The following GPC5 variants were observed in gnomAD, a reference collection of about 807,000 sequenced individuals.
GPC5 encodes the protein glypican-5.
Under a neutral mutation model 53.9 loss-of-function variants are expected in GPC5, and 47 were observed. The ratio of observed to expected loss-of-function variants is 0.87; its 90% CI spans 0.69 to 1.11. The LOEUF (loss-of-function observed/expected upper bound fraction) is 1.11. Ranked by LOEUF, GPC5 falls within the 50% of genes most tolerant of loss-of-function variation. The pLI is 0.00. For synonymous variants in GPC5, 286 were observed against 263.3 expected (o/e 1.09, Z -0.84); for missense variants, 748 against 713.1 (o/e 1.05, Z -0.56).
At chr13:91,518,334 G>A (rs765362327) in intron 2 of GPC5, among the ~76,000 whole-genome samples, 13 of 152,110 alleles carry the variant, frequency 8.5e-5, no homozygotes, top group South Asian at 2.1e-4. Context: ...GCGTTCCAGC[G>A]TGGGCAACAG....
At chr13:92,045,704 T>C (rs1384787920) in intron 6 of GPC5, among the ~76,000 whole-genome samples, 1 of 152,056 alleles carries the variant, frequency 6.6e-6, no homozygotes, top group Non-Finnish European at 1.5e-5. Flanking sequence ...AGAAGATGTA[T>C]TGTTGGAAAG....
At chr13:92,658,533 G>A (rs1321625706) in intron 7 of GPC5, among the ~76,000 whole-genome samples, 1 of 152,122 alleles carries the variant, frequency 6.6e-6, no homozygotes, top group African/African-American at 2.4e-5. Context: ...ATGAGTTCAG[G>A]TTGTGTCAAG....
intron 6 of GPC5, among the ~76,000 whole-genome samples, chr13:92,116,533 A>G (rs568571500): frequency 7.9e-5 from 12 of 152,374 alleles, no homozygotes; most frequent in African/African-American, 2.9e-4. Flanking sequence ...GCATTTGTGT[A>G]CAAGTTGTCA....
intron 7 of GPC5, among the ~76,000 whole-genome samples, chr13:92,315,778 T>C (rs2043175394): frequency 6.6e-6 from 1 of 152,202 alleles, no homozygotes; most frequent in African/African-American, 2.4e-5. Context: ...AAACTATTTT[T>C]CAAGTGTTTT....
chr13:92,493,388 G>A (rs1879840159), intron 7 of GPC5, among the ~76,000 whole-genome samples: 1 of 152,148 alleles, frequency 6.6e-6, no homozygotes, highest in South Asian at 2.1e-4. Flanking sequence ...GAAGTTGTCA[G>A]TATTAAGAGG....
intron 3 of GPC5, among the ~76,000 whole-genome samples, chr13:91,719,118 G>A (rs964737838): frequency 1.3e-5 from 2 of 152,082 alleles, no homozygotes; most frequent in African/African-American, 4.8e-5. Context: ...AGCTGCATGT[G>A]AATCAAGTAT....
chr13:91,602,151 C>T (rs527859354), intron 2 of GPC5, among the ~76,000 whole-genome samples: 2 of 152,330 alleles, frequency 1.3e-5, no homozygotes, highest in East Asian at 3.9e-4. Flanking sequence ...TTTCTTTATT[C>T]ATTCTTGAAA....
At chr13:91,658,796 G>A (rs187870301) in intron 2 of GPC5, among the ~76,000 whole-genome samples, 2 of 152,200 alleles carry the variant, frequency 1.3e-5, no homozygotes, top group East Asian at 3.9e-4. Flanking sequence ...TTCTCTTAGT[G>A]TCATTAATGT....
At chr13:92,238,996 AT>A (rs1555321980) in intron 7 of GPC5, among the ~76,000 whole-genome samples, 17 of 129,894 alleles carry the variant, frequency 1.3e-4, no homozygotes, top group Admixed American at 1.3e-3. Flanking sequence ...TGCTGACAAG[AT>A]TATTTTTTTT....
chr13:92,058,037 T>C (rs975835352), intron 6 of GPC5, among the ~76,000 whole-genome samples: 1 of 152,150 alleles, frequency 6.6e-6, no homozygotes, highest in African/African-American at 2.4e-5. Context: ...TGGGATCTCA[T>C]TGACTCCATC....
intron 6 of GPC5, among the ~76,000 whole-genome samples, chr13:92,064,756 C>CAAAAAAAAAAAAAAAAACAAAAA (rs1175120330): frequency 3.0e-5 from 1 of 33,644 alleles, no homozygotes; most frequent in Non-Finnish European, 5.6e-5. Flanking sequence ...GACTCCGTCT[C>CAAAAAAAAAAAAAAAAACAAAAA]AAAAAAAAAA....
At chr13:92,783,222 ACT>A (rs1876095842) in intron 7 of GPC5, among the ~76,000 whole-genome samples, 1 of 152,118 alleles carries the variant, frequency 6.6e-6, no homozygotes, top group African/African-American at 2.4e-5. Context: ...ATTTTCATTC[ACT>A]CTCTCACCTC....
chr13:91,458,287 C>T (rs575591450), intron 2 of GPC5, among the ~76,000 whole-genome samples: 116 of 152,108 alleles, frequency 7.6e-4, no homozygotes, highest in African/African-American at 2.6e-3. Context: ...GAGGCCAGGT[C>T]GTCTGGGGCC....
chr13:92,618,874 T>C (rs2139111286), intron 7 of GPC5, among the ~76,000 whole-genome samples: 1 of 152,084 alleles, frequency 6.6e-6, no homozygotes, highest in African/African-American at 2.4e-5. Context: ...TCACTATCTA[T>C]TATGGTATTA....
chr13:92,110,049 C>G (rs2041544652), intron 6 of GPC5, among the ~76,000 whole-genome samples: 1 of 152,024 alleles, frequency 6.6e-6, no homozygotes, highest in South Asian at 2.1e-4. Flanking sequence ...ATTTAGGTGG[C>G]AGTATCCATA....
Position 92,139,495 on chromosome 13 carries a change from G to A in GPC5, c.1402-5335G>A, listed in dbSNP as rs376201062. ...ATCCTGGCTAACATGGTGAAACCCC[G>A]TGTCTACTAAAAATACAAAAAATTA... On this transcript the variant is annotated intron_variant, in intron 6 of 7. Transcript: ENST00000377067. Among the ~76,000 whole-genome samples, 75 of 151,922 alleles carry A rather than the reference G, an allele frequency of 4.9e-4. 1 individual carries two copies. The South Asian group carries it at 0.015, about 30-fold the overall frequency.
At chr13:92,000,634 T>C (rs2040545608) in intron 6 of GPC5, among the ~76,000 whole-genome samples, 1 of 152,260 alleles carries the variant, frequency 6.6e-6, no homozygotes, top group Middle Eastern at 3.4e-3. Flanking sequence ...CAAACAGATA[T>C]GCTGTCTGCG....
At chr13:92,634,248 C>G (rs968105174) in intron 7 of GPC5, among the ~76,000 whole-genome samples, 8 of 151,960 alleles carry the variant, frequency 5.3e-5, no homozygotes, top group African/African-American at 9.7e-5. Flanking sequence ...TCCAAGATTA[C>G]CTTTCTCTGC....
intron 2 of GPC5, among the ~76,000 whole-genome samples, chr13:91,624,247 A>G (rs375532734): frequency 1.3e-5 from 2 of 152,158 alleles, no homozygotes; most frequent in African/African-American, 4.8e-5. Context: ...TATTCTATTT[A>G]TGAGAAGCCC....
Sources: gnomAD v4.1 joint callset for allele counts (sites outside exome capture counted in the v4.1 genomes callset) on GRCh38, gnomAD v4.1.1 for gene constraint, MANE v1.5 for transcripts, NCBI Gene and HGNC (gene_info 2026-07-23, HGNC 2026-07-21) for gene names.